The following NAIF1 variants were observed in gnomAD, a reference collection of about 807,000 sequenced individuals.
The protein encoded by NAIF1 is nuclear apoptosis inducing factor 1.
Under a neutral mutation model 20.7 loss-of-function variants are expected in NAIF1, and 14 were observed. The ratio of observed to expected loss-of-function variants is 0.67; its 90% CI spans 0.45 to 1.05. The LOEUF (loss-of-function observed/expected upper bound fraction) is 1.05. Among genes scored for constraint, NAIF1 ranks in the 50% least tolerant of loss-of-function variants. The pLI is 0.00. For synonymous variants in NAIF1, 191 were observed against 191.4 expected (o/e 1.00, Z 0.02); for missense variants, 362 against 448.8 (o/e 0.81, Z 1.75).
At position 128,061,369 on chromosome 9, in the gene NAIF1, A is replaced by C. The variant is rs955880523; in HGVS notation, c.*2059T>G. On this transcript the variant is annotated 3_prime_UTR_variant, in exon 2 of 2. Transcript: ENST00000373078. ...TGGCTCAGATTTCCAACCCCAGAAA[A>C]AAACCAAACCAAGTCCTCAGGAAGT... is the stretch of plus-strand genomic sequence containing the variant. The C allele has an allele frequency of 2.0e-5, 3 of 152,346 alleles. No individual in the cohort carries two copies. The East Asian group carries it at 5.8e-4, about 29-fold the overall frequency. The allele number at this position is 152,346 out of a possible 1,614,324, so 9.4% of individuals were successfully genotyped here.
chr9:128,066,582 G>A lies in NAIF1; in HGVS notation c.511+9C>T. On this transcript the variant is annotated intron_variant, in intron 1 of 1. Coordinates refer to ENST00000373078, the MANE Select transcript of NAIF1 (RefSeq NM_197956.4). ...TATGCACGCCGCCTGGGCAGGAGAG[G>A]TCACTCACTCTGTGTCAGGGTGACC... 2.7e-6 allele frequency: 4 copies of A among 1,501,162 alleles called. No individual in the cohort carries two copies. The highest frequency in any genetic ancestry group is 2.0e-4 in the Middle Eastern group (1 of 4,902). The allele number at this position is 1,501,162 out of a possible 1,614,324, so 93.0% of individuals were successfully genotyped here.
intron 1 of NAIF1, among the ~76,000 whole-genome samples, chr9:128,065,776 C>T (rs1428073322): frequency 1.2e-4 from 19 of 152,130 alleles, no homozygotes; most frequent in Admixed American, 1.2e-3. Flanking sequence ...AAAAATCCAA[C>T]CAAAGTTAGT....
chr9:128,066,250 A>C (rs1832776201), intron 1 of NAIF1: 1 of 284,238 alleles, frequency 3.5e-6, no homozygotes, highest in South Asian at 1.6e-4. Context: ...CTGGCTGTCT[A>C]CTACAAGCCG....
chr9:128,063,151 G>T lies in NAIF1; in HGVS notation c.*277C>A. The T allele has an allele frequency of 2.1e-6, 1 of 466,584 alleles. No individual in the cohort carries two copies. The allele number at this position is 466,584 out of a possible 1,614,324, so 28.9% of individuals were successfully genotyped here. Reference sequence around the variant, plus strand: ...CAAGGCTGGGTCATGTCACAAGCCCGGGGTCATGACAACACATGTCCCATC... The same window carrying T: ...CAAGGCTGGGTCATGTCACAAGCCCTGGGTCATGACAACACATGTCCCATC... On this transcript the variant is annotated 3_prime_UTR_variant, in exon 2 of 2. Coordinates refer to ENST00000373078, the MANE Select transcript of NAIF1 (RefSeq NM_197956.4). This position sits in a 1 kb window ranked among gnomAD's most constrained non-coding sequence, Gnocchi z 4.3.
chr9:128,066,340 G>A, intron 1 of NAIF1: 1 of 405,918 alleles, frequency 2.5e-6, no homozygotes, highest in Non-Finnish European at 4.3e-6. Context: ...GTGGAGGTAA[G>A]TCATGGACAA....
In NAIF1 at chr9:128,063,833, G is replaced by A; in HGVS notation, c.579C>T (p.Pro193=). 1.2e-6 allele frequency: 2 copies of A among 1,612,592 alleles called. No individual in the cohort carries two copies. The highest frequency in any genetic ancestry group is 1.7e-6 in the Non-Finnish European group (2 of 1,180,032). ...CAGGGGTCTCTGGTGGCAGAGGTGG[G>A]GGCGCCTCAGCCGTGCAGTACTCCA... is the stretch of plus-strand genomic sequence containing the variant. ...GVVEYCTAEA[P]PPLPPETPVD... The change falls in exon 2 of 2, where the codon CCC becomes CCT. Residue 193 remains proline, a synonymous_variant. Transcript: ENST00000373078. The surrounding 1 kb of genome is among the most constrained non-coding windows in gnomAD (Gnocchi z 4.3).
rs374260420 is a variant in NAIF1 at position 128,063,836 on chromosome 9, C to T, written c.576G>A (p.Ala192=). ...GGGTCTCTGGTGGCAGAGGTGGGGGCGCCTCAGCCGTGCAGTACTCCACCA... is the reference window on the plus strand; with the variant it reads ...GGGTCTCTGGTGGCAGAGGTGGGGGTGCCTCAGCCGTGCAGTACTCCACCA... ...EGVVEYCTAE[A]PPPLPPETPV... is the part of the protein sequence containing the mutation. The change falls in exon 2 of 2, where the codon GCG becomes GCA. Residue 192 remains alanine, a synonymous_variant. Transcript: ENST00000373078. This position sits in a 1 kb window ranked among gnomAD's most constrained non-coding sequence, Gnocchi z 4.3. 36 of 1,612,020 alleles carry T rather than the reference C, an allele frequency of 2.2e-5. No individual in the cohort carries two copies. The highest frequency in any genetic ancestry group is 4.0e-5 in the African/African-American group (3 of 74,872).
chr9:128,067,192 C>G lies in NAIF1; in HGVS notation c.-91G>C, dbSNP rs1832795876. 1 of 1,466,366 alleles carries G rather than the reference C, an allele frequency of 6.8e-7. No individual in the cohort carries two copies. The highest frequency in any genetic ancestry group is 9.1e-7 in the Non-Finnish European group (1 of 1,094,434). The allele number at this position is 1,466,366 out of a possible 1,614,324, so 90.8% of individuals were successfully genotyped here. On this transcript the variant is annotated 5_prime_UTR_variant, in exon 1 of 2. Transcript: ENST00000373078. ...TTCTTCCTCAGCCTCGCCCCTCACC[C>G]ACCCCCTACAGGGGATAGGCCAGGC...
chr9:128,066,815 G>A lies in NAIF1; in HGVS notation c.287C>T (p.Pro96Leu). 3 of 1,611,048 alleles carry A rather than the reference G, an allele frequency of 1.9e-6. No individual in the cohort carries two copies. Among genetic ancestry groups the A allele is most frequent in the Non-Finnish European group, 2.5e-6 (3 of 1,178,756 alleles). Reference protein sequence around the residue: ...VRAAVEGGEAPGPTEEDGAGG... With the variant: ...VRAAVEGGEALGPTEEDGAGG... The stretch of plus-strand genomic sequence containing the variant: ...AGCTCCGTCCTCCTCAGTGGGCCCC[G>A]GCGCCTCACCACCCTCCACGGCGGC... Residue 96 changes from proline (P) to leucine (L), a missense_variant, in exon 1 of 2, where the codon CCG becomes CTG. Pro to Leu is a moderately conservative substitution (Grantham distance 98, BLOSUM62 -3). Around this residue, in one of 3 missense-constraint regions of NAIF1, gnomAD observed 300 missense variants for 342.7 expected, o/e 0.88. Transcript: ENST00000373078.
In NAIF1 at chr9:128,062,779, A is replaced by C. The variant is rs1365691727; in HGVS notation, c.*649T>G. 1.9e-5 allele frequency: 3 copies of C among 153,894 alleles called. No homozygotes were observed. The highest frequency in any genetic ancestry group is 4.3e-5 in the Non-Finnish European group (3 of 69,248). The allele number at this position is 153,894 out of a possible 1,614,324, so 9.5% of individuals were successfully genotyped here. A position where few individuals can be genotyped will look rare whatever the true frequency, so the allele number is the denominator to read the frequency against. On this transcript the variant is annotated 3_prime_UTR_variant, in exon 2 of 2. Transcript: ENST00000373078. ...AGTGGCCAAACCGTCCCCACCATAC[A>C]CAGCATTCCTGAGCCAGACTGGCTG...
At chr9:128,064,145 G>A (rs1409582044) in intron 1 of NAIF1, among the ~76,000 whole-genome samples, 3 of 135,706 alleles carry the variant, frequency 2.2e-5, no homozygotes, top group South Asian at 2.3e-4. Context: ...CGGGAGTGCT[G>A]TGGCGCGATC....
At chr9:128,064,182 G>A (rs1032394593) in intron 1 of NAIF1, among the ~76,000 whole-genome samples, 3 of 145,940 alleles carry the variant, frequency 2.1e-5, no homozygotes, top group South Asian at 2.2e-4. Flanking sequence ...TCCGCCTTCC[G>A]GGTTCACGCC....
chr9:128,065,748 A>C (rs1475781691), intron 1 of NAIF1, among the ~76,000 whole-genome samples: 1 of 152,118 alleles, frequency 6.6e-6, no homozygotes, highest in African/African-American at 2.4e-5. Flanking sequence ...AACAGGGCAC[A>C]AACTCTTCTT....
At position 128,066,772 on chromosome 9, in the gene NAIF1, G is replaced by A. The variant is rs1179613021; in HGVS notation, c.330C>T (p.Gly110=). The change falls in exon 1 of 2, where the codon GGC becomes GGT. Residue 110 remains glycine, a synonymous_variant. Transcript: ENST00000373078. ...EEDGAGGPGT[G]GGSGGGGPAV... ...CTGGGCCACCGCCACCACTGCCACC[G>A]CCTGTCCCAGGCCCCCCAGCTCCGT... 6.2e-7 allele frequency: 1 copy of A among 1,609,738 alleles called. No individual in the cohort carries two copies. Among genetic ancestry groups the A allele is most frequent in the South Asian group, 1.1e-5 (1 of 90,774 alleles).
At chr9:128,065,173 G>A (rs1832764048) in intron 1 of NAIF1, among the ~76,000 whole-genome samples, 1 of 147,408 alleles carries the variant, frequency 6.8e-6, no homozygotes, top group South Asian at 2.1e-4. Flanking sequence ...TTGGAGTTCA[G>A]TGGCACGATC....
Position 128,063,902 on chromosome 9 carries a change from T to C in NAIF1, c.512-2A>G. On this transcript the variant is annotated splice_acceptor_variant, in intron 1 of 1. Transcript: ENST00000373078. LOFTEE classifies it high-confidence loss of function. The surrounding 1 kb of genome is among the most constrained non-coding windows in gnomAD (Gnocchi z 4.3). Reference sequence around the variant, plus strand: ...TGTGATAGGTGGTCTCTGTGGGGACTGCACAGTAGAAAGAACAGAGGCCAA... The same window carrying C: ...TGTGATAGGTGGTCTCTGTGGGGACCGCACAGTAGAAAGAACAGAGGCCAA... 6.9e-6 allele frequency: 11 copies of C among 1,600,988 alleles called. No homozygotes were observed. Among genetic ancestry groups the C allele is most frequent in the East Asian group, 2.2e-5 (1 of 44,804 alleles).
rs1441999262 is a variant in NAIF1 at position 128,066,686 on chromosome 9, G to T, written c.416C>A (p.Ala139Asp). ...QQRICNLLGE[A>D]TIISLPSTTE... ...GGTGCTGGGCAGGCTGATGATGGTG[G>T]CCTCGCCCAGCAGGTTGCAGATACG... Residue 139 changes from alanine (A) to aspartate (D), a missense_variant, in exon 1 of 2, where the codon GCC becomes GAC. Ala to Asp is a moderately radical substitution (Grantham distance 126). Coordinates refer to ENST00000373078, the MANE Select transcript of NAIF1 (RefSeq NM_197956.4). 6.2e-7 allele frequency: 1 copy of T among 1,608,810 alleles called. No homozygotes were observed. Among genetic ancestry groups the T allele is most frequent in the South Asian group, 1.1e-5 (1 of 90,276 alleles).
In NAIF1 at chr9:128,062,881, G is replaced by C. The variant is rs1206190872; in HGVS notation, c.*547C>G. The C allele has an allele frequency of 6.1e-6, 1 of 164,490 alleles. No homozygotes were observed. The highest frequency in any genetic ancestry group is 1.4e-5 in the Non-Finnish European group (1 of 73,990). 10.2% of individuals were successfully genotyped at this position (164,490 alleles called of 1,614,324 possible). A position where few individuals can be genotyped will look rare whatever the true frequency, so the allele number is the denominator to read the frequency against. On this transcript the variant is annotated 3_prime_UTR_variant, in exon 2 of 2. Coordinates refer to ENST00000373078, the MANE Select transcript of NAIF1 (RefSeq NM_197956.4). ...GCGCTGTGCCTGGGGTGGGGTCGGG[G>C]GAGAGCACAACAGTCATTGGAGTCC...
chr9:128,063,700 G>A lies in NAIF1; in HGVS notation c.712C>T (p.Leu238=). Residue 238 remains leucine (L), a synonymous_variant, in exon 2 of 2, where the codon CTG becomes TTG. Transcript: ENST00000373078. This position sits in a 1 kb window ranked among gnomAD's most constrained non-coding sequence, Gnocchi z 4.3. The part of the protein sequence containing the change: ...KLIQEQRVTN[L]HVKEIAQHLE... Reference sequence around the variant, plus strand: ...TGCTGTGCGATCTCCTTCACATGCAGGTTGGTGACCCGCTGCTCCTGTATC... The same window carrying A: ...TGCTGTGCGATCTCCTTCACATGCAAGTTGGTGACCCGCTGCTCCTGTATC... The A allele has an allele frequency of 6.2e-7, 1 of 1,614,230 alleles. No individual in the cohort carries two copies. Among genetic ancestry groups the A allele is most frequent in the Non-Finnish European group, 8.5e-7 (1 of 1,180,042 alleles).
Sources: gnomAD v4.1 joint callset for allele counts (sites outside exome capture counted in the v4.1 genomes callset) on GRCh38, gnomAD v4.1.1 for gene constraint, gnomAD v4.1.1 regional missense constraint, Gnocchi (gnomAD v3.1) non-coding constraint, MANE v1.5 for transcripts, NCBI Gene and HGNC (gene_info 2026-07-23, HGNC 2026-07-21) for gene names.